Variants in FRAS1 observed in about 807,000 individuals in gnomAD.
The protein encoded by FRAS1 is extracellular matrix organizing protein FRAS1.
A neutral mutation model predicts 435.2 loss-of-function variants in FRAS1; 290 were observed. That is an observed-to-expected ratio of 0.67 (90% CI 0.61 to 0.73). FRAS1 has a LOEUF of 0.73. FRAS1 is among the 30% of genes least tolerant of loss of function. The pLI is 0.00. For missense variants in FRAS1, 4,860 were observed against 5,001.5 expected (o/e 0.97, Z 0.85); for synonymous variants, 1,800 against 1,851.0 (o/e 0.97, Z 0.71).
chr4:78,299,826 T>C (rs1728307968), intron 14 of FRAS1, among the ~76,000 whole-genome samples: 1 of 152,256 alleles, frequency 6.6e-6, no homozygotes, highest in South Asian at 2.1e-4. Context: ...TTGGCACTTA[T>C]GCCCCAGTGC....
At chr4:78,214,368 A>G (rs1723655588) in intron 2 of FRAS1, among the ~76,000 whole-genome samples, 1 of 152,256 alleles carries the variant, frequency 6.6e-6, no homozygotes. Context: ...CATTTAACAC[A>G]TAAATCAACT....
chr4:78,379,596 G>A (rs1731927626), intron 26 of FRAS1, 130 bp from the exon 27 acceptor site: 4 of 880,172 alleles, frequency 4.5e-6, no homozygotes, highest in Non-Finnish European at 7.1e-6. Context: ...AATCAACTCT[G>A]TTTCTTATTT....
intron 30 of FRAS1, among the ~76,000 whole-genome samples, chr4:78,403,350 T>C (rs1270970159): frequency 6.6e-6 from 1 of 152,182 alleles, no homozygotes; most frequent in Non-Finnish European, 1.5e-5. Context: ...GCTTTCCTGC[T>C]GTAACTCTTT....
chr4:78,104,301 C>G (rs1257630188), intron 2 of FRAS1, among the ~76,000 whole-genome samples: 1 of 152,054 alleles, frequency 6.6e-6, no homozygotes, highest in African/African-American at 2.4e-5. Context: ...CATGTTTGCT[C>G]CATAATATGC....
At chr4:78,441,635 T>C (rs1734663899) in intron 41 of FRAS1, among the ~76,000 whole-genome samples, 2 of 74,626 alleles carry the variant, frequency 2.7e-5, no homozygotes, top group African/African-American at 9.1e-5. Flanking sequence ...ATAAATATTA[T>C]GGAAAAAAAT....
intron 10 of FRAS1, among the ~76,000 whole-genome samples, chr4:78,279,402 C>G (rs559949207): frequency 1.8e-4 from 27 of 152,300 alleles, no homozygotes; most frequent in Admixed American, 1.4e-3. Context: ...TAACTCATGA[C>G]AGGACCACTT....
intron 2 of FRAS1, among the ~76,000 whole-genome samples, chr4:78,100,702 C>A (rs374122699): frequency 2.6e-5 from 4 of 152,132 alleles, no homozygotes; most frequent in African/African-American, 7.2e-5. Flanking sequence ...CACTGGGCCC[C>A]ACAAAATTAT....
At chr4:78,276,776 G>C (rs1727063455) in intron 9 of FRAS1, among the ~76,000 whole-genome samples, 1 of 152,254 alleles carries the variant, frequency 6.6e-6, no homozygotes, top group Non-Finnish European at 1.5e-5. Flanking sequence ...ACCCACTTGA[G>C]GAGGCAGTCT....
At chr4:78,384,263 C>G (rs879272906) in intron 28 of FRAS1, 120 bp downstream of exon 28, 2 of 746,668 alleles carry the variant, frequency 2.7e-6, no homozygotes, top group Non-Finnish European at 4.3e-6. Flanking sequence ...GTCTTGGTTT[C>G]CTCTTGAGAT....
chr4:78,453,333 G>A (rs1367565596), intron 47 of FRAS1, among the ~76,000 whole-genome samples: 1 of 152,166 alleles, frequency 6.6e-6, no homozygotes, highest in Non-Finnish European at 1.5e-5. Context: ...TAGAGCAGCA[G>A]CCATGAGAAT....
intron 2 of FRAS1, among the ~76,000 whole-genome samples, chr4:78,122,149 C>A (rs941931119): frequency 6.6e-6 from 1 of 152,106 alleles, no homozygotes; most frequent in Non-Finnish European, 1.5e-5. Context: ...CCCACAGGCC[C>A]CAGTGTGTGA....
At chr4:78,129,978 C>G (rs1719603874) in intron 2 of FRAS1, among the ~76,000 whole-genome samples, 1 of 152,218 alleles carries the variant, frequency 6.6e-6, no homozygotes, top group Non-Finnish European at 1.5e-5. Context: ...TCTGTTGCTA[C>G]TTGGCTCCTG....
chr4:78,364,706 A>G (rs1418950774), intron 22 of FRAS1, among the ~76,000 whole-genome samples: 1 of 152,260 alleles, frequency 6.6e-6, no homozygotes, highest in Non-Finnish European at 1.5e-5. Context: ...TACTTCACAG[A>G]TGAAGGAACA....
chr4:78,363,917 C>T lies in FRAS1; in HGVS notation c.2585C>T (p.Ser862Phe), dbSNP rs1228696239. 1 of 1,609,898 alleles carries T rather than the reference C, an allele frequency of 6.2e-7. No homozygotes were observed. The highest frequency in any genetic ancestry group is 8.5e-7 in the Non-Finnish European group (1 of 1,178,186). ...TCTTTTTCCTCTGCAGAATGCCACT[C>T]CTCCTGCAGAACCTGCCAGGGCAGA... is the stretch of plus-strand genomic sequence containing the variant. ...AERGACKKCH[S>F]SCRTCQGRGP... The change falls in exon 22 of 74, where the codon TCC (serine) becomes TTC (phenylalanine). Residue 862 changes from serine to phenylalanine, a missense_variant. Physicochemically the swap from Ser to Phe is radical, Grantham distance 155 (BLOSUM62 -2). Transcript: ENST00000512123.
intron 72 of FRAS1, among the ~76,000 whole-genome samples, chr4:78,537,613 C>T (rs1000421229): frequency 4.6e-5 from 7 of 152,050 alleles, no homozygotes; most frequent in African/African-American, 1.7e-4. Flanking sequence ...TGTAATGAAT[C>T]TTTAAAAAAT....
At position 78,522,695 on chromosome 4, in the gene FRAS1, C is replaced by T. The variant is rs370549736; in HGVS notation, c.10695C>T (p.Phe3565=). The T allele has an allele frequency of 2.8e-5, 45 of 1,609,886 alleles. No homozygotes were observed. The highest frequency in any genetic ancestry group is 5.0e-5 in the Admixed American group (3 of 59,482). The part of the protein sequence containing the change: ...EHHTLPEVKS[F]VLTPDHLGGI... ...ACACTCTCCCAGAAGTGAAATCTTT[C>T]GTATTGACTCCAGACCACCTAGGAG... is the stretch of plus-strand genomic sequence containing the variant. Residue 3565 remains phenylalanine (F), a synonymous_variant, in exon 69 of 74, where the codon TTC becomes TTT. Transcript: ENST00000512123.
chr4:78,433,154 G>A lies in FRAS1; in HGVS notation c.5217+550G>A, dbSNP rs140484760. Among the ~76,000 whole-genome samples, 15 of 152,288 alleles carry A rather than the reference G, an allele frequency of 9.8e-5. No individual in the cohort carries two copies. In the East Asian group the frequency reaches 2.9e-3, roughly 29 times the overall value. On this transcript the variant is annotated intron_variant, in intron 38 of 73. Coordinates refer to ENST00000512123, the MANE Select transcript of FRAS1 (RefSeq NM_025074.7). ...CCACAAGAAGCAGTGTAATTAGGAGGCCAAGGAGAGGATCAAGGACTAGAG... is the reference window on the plus strand; with the variant it reads ...CCACAAGAAGCAGTGTAATTAGGAGACCAAGGAGAGGATCAAGGACTAGAG...
intron 50 of FRAS1, among the ~76,000 whole-genome samples, chr4:78,468,720 G>A (rs867548868): frequency 6.6e-6 from 1 of 152,080 alleles, no homozygotes; most frequent in Non-Finnish European, 1.5e-5. Context: ...CATAAACCTC[G>A]CCTGGGAAAA....
At chr4:78,411,235 C>T (rs1042724534) in intron 31 of FRAS1, among the ~76,000 whole-genome samples, 3 of 151,834 alleles carry the variant, frequency 2.0e-5, no homozygotes, top group African/African-American at 4.8e-5. Flanking sequence ...CTCAGCCTCC[C>T]GAGTAGCTGG....
Sources: gnomAD v4.1 joint callset for allele counts (sites outside exome capture counted in the v4.1 genomes callset) on GRCh38, gnomAD v4.1.1 for gene constraint, MANE v1.5 for transcripts, NCBI Gene and HGNC (gene_info 2026-07-23, HGNC 2026-07-21) for gene names.